The following RERE variants were observed in gnomAD, a reference collection of about 807,000 sequenced individuals.
RERE encodes the protein arginine-glutamic acid dipeptide repeats.
Under a neutral mutation model 146.1 loss-of-function variants are expected in RERE, and 40 were observed. The observed-to-expected ratio is 0.27, with a 90% CI of 0.21 to 0.36. RERE has a LOEUF of 0.36. RERE is among the 10% of genes least tolerant of loss of function. RERE has a pLI of 1.00. For synonymous variants in RERE, 1,003 were observed against 866.0 expected (o/e 1.16, Z -2.78); for missense variants, 1,933 against 2,138.7 (o/e 0.90, Z 1.90).
chr1:8,440,501 G>T (rs1051661392), intron 11 of RERE, among the ~76,000 whole-genome samples: 2 of 150,790 alleles, frequency 1.3e-5, no homozygotes, highest in Non-Finnish European at 2.9e-5. Context: ...TGAGGCAGGA[G>T]AATCACTTGA....
chr1:8,422,657 G>T, intron 12 of RERE, 70 bp downstream of exon 12: 1 of 1,156,150 alleles, frequency 8.6e-7, no homozygotes, highest in Non-Finnish European at 1.3e-6. Flanking sequence ...CATTTCATAA[G>T]ATCAAATGTG....
In RERE at chr1:8,656,059, G is replaced by A. The variant is rs139888880; in HGVS notation, c.239C>T (p.Pro80Leu). 70 of 1,613,340 alleles carry A rather than the reference G, an allele frequency of 4.3e-5. No individual in the cohort carries two copies. Among genetic ancestry groups the A allele is most frequent in the African/African-American group, 3.1e-4 (23 of 74,830 alleles). The change falls in exon 2 of 23, where the codon CCG becomes CTG. Residue 80 changes from proline to leucine, a missense_variant. By Grantham distance (98) the Pro-to-Leu change is moderately conservative (BLOSUM62 -3). Transcript: ENST00000400908. ...CCTTTCATAACGAGACTTTTTTTTC[G>A]GTGGTTTCTTCTTATTCTTCTTCGT... Reference protein sequence around the residue: ...ESTKKNKKKPPKKKSRYERTD... With the variant: ...ESTKKNKKKPLKKKSRYERTD...
At chr1:8,770,955 A>G (rs534598481) in intron 1 of RERE, among the ~76,000 whole-genome samples, 1 of 152,210 alleles carries the variant, frequency 6.6e-6, no homozygotes, top group Admixed American at 6.5e-5. Context: ...ATTATTAAAA[A>G]ATAAACTATG....
chr1:8,477,421 C>T (rs188921536), intron 10 of RERE, among the ~76,000 whole-genome samples: 1 of 152,296 alleles, frequency 6.6e-6, no homozygotes, highest in East Asian at 1.9e-4. Context: ...CTATGTCTGG[C>T]CACAAGTGGA....
chr1:8,390,942 C>T (rs973329521), intron 12 of RERE, among the ~76,000 whole-genome samples: 1 of 151,952 alleles, frequency 6.6e-6, no homozygotes, highest in African/African-American at 2.4e-5. Context: ...CTCAAAAAAA[C>T]AAAACAAAAC....
intron 11 of RERE, among the ~76,000 whole-genome samples, chr1:8,458,420 C>T (rs1477951666): frequency 6.6e-6 from 1 of 152,022 alleles, no homozygotes; most frequent in Non-Finnish European, 1.5e-5. Flanking sequence ...CCCGCTCAAG[C>T]AAAAATGAAA....
At chr1:8,514,668 C>T (rs1329129674) in intron 7 of RERE, among the ~76,000 whole-genome samples, 1 of 151,606 alleles carries the variant, frequency 6.6e-6, no homozygotes, top group Non-Finnish European at 1.5e-5. Flanking sequence ...GCAGAGGTTA[C>T]AGTGAGCTGA....
At chr1:8,765,911 C>T (rs1335993523) in intron 1 of RERE, among the ~76,000 whole-genome samples, 1 of 152,058 alleles carries the variant, frequency 6.6e-6, no homozygotes, top group Non-Finnish European at 1.5e-5. Flanking sequence ...AAGATCGCAC[C>T]ACTGCACTCC....
intron 1 of RERE, among the ~76,000 whole-genome samples, chr1:8,691,191 C>T (rs77144139): frequency 0.026 from 3,911 of 152,194 alleles, 154 homozygotes; most frequent in African/African-American, 0.088. Context: ...CCACCGTGCC[C>T]GGCCGGCCAA....
intron 1 of RERE, among the ~76,000 whole-genome samples, chr1:8,669,151 C>T (rs1359861219): frequency 6.7e-6 from 1 of 150,142 alleles, no homozygotes; most frequent in African/African-American, 2.5e-5. Context: ...CGGCTCACTG[C>T]AGCCTTGACC....
Position 8,354,064 on chromosome 1 carries a change from C to T in RERE, c.*1023G>A, listed in dbSNP as rs1017567718. On this transcript the variant is annotated 3_prime_UTR_variant, in exon 23 of 23. Coordinates refer to ENST00000400908, the MANE Select transcript of RERE (RefSeq NM_001042681.2). ...TCGGAGTATTAAAAAAGACATTCAT[C>T]CAGAACAATCAAGTGTGTGTACACA... 1 of 152,526 alleles carries T rather than the reference C, an allele frequency of 6.6e-6. No homozygotes were observed. The highest frequency in any genetic ancestry group is 1.5e-5 in the Non-Finnish European group (1 of 68,044). The allele number at this position is 152,526 out of a possible 1,614,324, so 9.4% of individuals were successfully genotyped here.
chr1:8,719,539 G>C, intron 1 of RERE, among the ~76,000 whole-genome samples: 1 of 152,220 alleles, frequency 6.6e-6, no homozygotes, highest in South Asian at 2.1e-4. Flanking sequence ...TGATTGAAAT[G>C]ACACCAAATT....
intron 11 of RERE, among the ~76,000 whole-genome samples, chr1:8,443,466 A>AAAG (rs1644278311): frequency 6.6e-6 from 1 of 150,498 alleles, no homozygotes; most frequent in Non-Finnish European, 1.5e-5. Context: ...AAAGAAAAAA[A>AAAG]AAAAAAAAAA....
intron 2 of RERE, among the ~76,000 whole-genome samples, chr1:8,644,615 G>A (rs1244248248): frequency 6.6e-6 from 1 of 152,172 alleles, no homozygotes; most frequent in Non-Finnish European, 1.5e-5. Context: ...TCAAAATCCA[G>A]TAATCACCAT....
At chr1:8,784,304 A>G (rs1321143776) in intron 1 of RERE, among the ~76,000 whole-genome samples, 3 of 152,008 alleles carry the variant, frequency 2.0e-5, no homozygotes, top group African/African-American at 7.3e-5. Context: ...AATTGCAACC[A>G]CCACCATCTT....
intron 7 of RERE, among the ~76,000 whole-genome samples, chr1:8,535,748 CT>C (rs75143878): frequency 0.2 from 30,229 of 151,968 alleles, 3,077 homozygotes; most frequent in Middle Eastern, 0.3. Flanking sequence ...CAAAACTACA[CT>C]TCTAGGAAGA....
At chr1:8,721,342 C>T (rs780196832) in intron 1 of RERE, among the ~76,000 whole-genome samples, 3 of 152,104 alleles carry the variant, frequency 2.0e-5, no homozygotes, top group African/African-American at 2.4e-5. Context: ...GAAGGAGTCT[C>T]GCTCTGTTGC....
intron 1 of RERE, among the ~76,000 whole-genome samples, chr1:8,805,621 C>T (rs1245592099): frequency 2.7e-5 from 4 of 150,212 alleles, no homozygotes; most frequent in Non-Finnish European, 3.0e-5. Context: ...TGCGCTCTAC[C>T]CTGGGCGATA....
intron 10 of RERE, among the ~76,000 whole-genome samples, chr1:8,478,474 T>A (rs1054609180): frequency 6.6e-6 from 1 of 152,054 alleles, no homozygotes; most frequent in African/African-American, 2.4e-5. Flanking sequence ...ATACCAGGTG[T>A]GGGGAGAAGG....
Sources: allele counts gnomAD v4.1 joint callset (sites outside exome capture counted in the v4.1 genomes callset), GRCh38; gene constraint gnomAD v4.1.1; transcripts MANE v1.5; gene names NCBI Gene and HGNC (gene_info 2026-07-23, HGNC 2026-07-21).